Variants in RP1 observed in about 807,000 individuals in gnomAD.
The protein encoded by RP1 is RP1 axonemal microtubule associated.
A neutral mutation model predicts 14.8 loss-of-function variants in RP1; 16 were observed. The ratio of observed to expected loss-of-function variants is 1.08; its 90% CI spans 0.73 to 1.65. The LOEUF (loss-of-function observed/expected upper bound fraction) is 1.65, where lower values mean the gene tolerates loss of function less well. Among genes scored for constraint, RP1 ranks in the 40% most tolerant of loss-of-function variants. RP1 has a pLI of 0.00. For synonymous variants in RP1, 876 were observed against 883.6 expected (o/e 0.99, Z 0.15); for missense variants, 2,631 against 2,535.0 (o/e 1.04, Z -0.81).
chr8:54,658,158 A>C (rs1374274715), intron 6 of RP1, among the ~76,000 whole-genome samples: 1 of 152,242 alleles, frequency 6.6e-6, no homozygotes, highest in African/African-American at 2.4e-5. Context: ...TAGATACATC[A>C]TATGAGTGTA....
chr8:54,615,146 C>G (rs1805685419), upstream of RP1, among the ~76,000 whole-genome samples: 1 of 152,200 alleles, frequency 6.6e-6, no homozygotes, highest in Non-Finnish European at 1.5e-5. Flanking sequence ...ACTACTGTTT[C>G]TCTTATCTAC....
At chr8:54,573,821 A>G (rs1431703622) in intron 1 of RP1, among the ~76,000 whole-genome samples, 1 of 152,210 alleles carries the variant, frequency 6.6e-6, no homozygotes, top group African/African-American at 2.4e-5. Context: ...AACAACTCCA[A>G]TGTTTAAATG....
chr8:54,868,262 A>G (rs1318763316), intron 28 of RP1, among the ~76,000 whole-genome samples: 1 of 152,206 alleles, frequency 6.6e-6, no homozygotes, highest in Non-Finnish European at 1.5e-5. Flanking sequence ...GACTTACAGA[A>G]ACAAAATGAC....
intron 24 of RP1, among the ~76,000 whole-genome samples, chr8:54,787,514 G>T (rs1344635945): frequency 6.6e-6 from 1 of 151,994 alleles, no homozygotes; most frequent in Non-Finnish European, 1.5e-5. Flanking sequence ...AATCATAAAG[G>T]CATCCATGTA....
chr8:54,791,061 A>G (rs1810452199), intron 24 of RP1, among the ~76,000 whole-genome samples: 1 of 152,220 alleles, frequency 6.6e-6, no homozygotes, highest in African/African-American at 2.4e-5. Flanking sequence ...TTATAAATAA[A>G]TTGTCAAAAA....
intron 1 of RP1, among the ~76,000 whole-genome samples, chr8:54,582,640 G>C (rs1234076420): frequency 3.9e-5 from 6 of 152,130 alleles, no homozygotes; most frequent in Non-Finnish European, 5.9e-5. Context: ...CATGAGCATG[G>C]AATGTTCTTC....
chr8:54,611,110 T>C (rs769314558), upstream of RP1, among the ~76,000 whole-genome samples: 4 of 152,172 alleles, frequency 2.6e-5, no homozygotes, highest in African/African-American at 9.7e-5. Flanking sequence ...TGAATAATCA[T>C]ATAGAGGATC....
At chr8:54,580,127 T>C (rs1032937701) in intron 1 of RP1, among the ~76,000 whole-genome samples, 4 of 126,990 alleles carry the variant, frequency 3.1e-5, no homozygotes, top group Non-Finnish European at 4.9e-5. Flanking sequence ...CCCCAGGAAA[T>C]GCTCAGTTTC....
rs187521862 is a variant in RP1 at position 54,574,105 on chromosome 8, G to C, written c.-13+14785G>C. 2.0e-5 allele frequency among the ~76,000 whole-genome samples: 3 copies of C among 152,182 alleles called. No homozygotes were observed. In the East Asian group the frequency reaches 5.8e-4, roughly 29 times the overall value. ...TAATCTAAGCCAGGCCTATACCATG[G>C]AGTTAGAAGGAGGATTGGAAAAAGT... On this transcript the variant is annotated intron_variant, in intron 1 of 22. Transcript: ENST00000636932.
intron 1 of RP1, among the ~76,000 whole-genome samples, chr8:54,594,467 T>C (rs1424159051): frequency 6.6e-6 from 1 of 152,244 alleles, no homozygotes; most frequent in Non-Finnish European, 1.5e-5. Context: ...TAGAAGCACA[T>C]TATTTTCTGG....
intron 24 of RP1, among the ~76,000 whole-genome samples, chr8:54,827,722 AC>A (rs1294807256): frequency 1.3e-5 from 2 of 151,414 alleles, no homozygotes; most frequent in African/African-American, 4.9e-5. Flanking sequence ...ACACGGTGAA[AC>A]CCTGTCTCTA....
At chr8:54,679,375 TA>T in intron 9 of RP1, 1 of 1,479,640 alleles carries the variant, frequency 6.8e-7, no homozygotes, top group East Asian at 2.5e-5. Flanking sequence ...ATGGTTAATG[TA>T]AATATAAAGT....
intron 1 of RP1, among the ~76,000 whole-genome samples, chr8:54,578,030 G>A (rs546973626): frequency 1.3e-5 from 2 of 151,972 alleles, no homozygotes; most frequent in Admixed American, 1.3e-4. Context: ...CATGTGCCAT[G>A]CTGGTGTGCT....
chr8:54,748,627 C>T (rs1224383926), intron 19 of RP1, among the ~76,000 whole-genome samples: 2 of 152,108 alleles, frequency 1.3e-5, no homozygotes, highest in East Asian at 1.9e-4. Context: ...TAAAATGTTC[C>T]GTATGAACAC....
chr8:54,586,732 T>A (rs1265207482), intron 1 of RP1, among the ~76,000 whole-genome samples: 1 of 152,178 alleles, frequency 6.6e-6, no homozygotes, highest in African/African-American at 2.4e-5. Context: ...CACCTTGCAG[T>A]TTGATCTCAG....
At position 54,624,678 on chromosome 8, in the gene RP1, C is replaced by A. The variant is rs1215368660; in HGVS notation, c.796C>A (p.His266Asn). ...TCTTAAAATCTTTAAAGTAAGCACACATATGTCTTCAAGCTCAAGGTCCCA... is the reference window on the plus strand; with the variant it reads ...TCTTAAAATCTTTAAAGTAAGCACAAATATGTCTTCAAGCTCAAGGTCCCA... ...AKSESRKIST[H>N]MSSSSRSQIY... The change falls in exon 4 of 4, where the codon CAT (histidine) becomes AAT (asparagine). Residue 266 changes from histidine to asparagine, a missense_variant. His to Asn is a moderately conservative substitution (Grantham distance 68, BLOSUM62 1). Transcript: ENST00000220676. 1.2e-6 allele frequency: 2 copies of A among 1,613,668 alleles called. No homozygotes were observed. The highest frequency in any genetic ancestry group is 2.7e-5 in the African/African-American group (2 of 74,876).
At chr8:54,729,736 A>C (rs1460689494) in intron 17 of RP1, among the ~76,000 whole-genome samples, 2 of 151,990 alleles carry the variant, frequency 1.3e-5, no homozygotes, top group Non-Finnish European at 2.9e-5. Context: ...TTCATAATAA[A>C]TATTTTAAAT....
At chr8:54,665,783 A>T (rs1189088756) in intron 7 of RP1, among the ~76,000 whole-genome samples, 1 of 152,204 alleles carries the variant, frequency 6.6e-6, no homozygotes, top group Non-Finnish European at 1.5e-5. Flanking sequence ...GCAGACACTC[A>T]GTAGACTACT....
intron 25 of RP1, among the ~76,000 whole-genome samples, chr8:54,849,667 G>A (rs1812012946): frequency 6.6e-6 from 1 of 152,142 alleles, no homozygotes; most frequent in Admixed American, 6.5e-5. Flanking sequence ...AAATAAACCT[G>A]CAGGTGAAGA....
Sources: gnomAD v4.1 joint callset for allele counts (sites outside exome capture counted in the v4.1 genomes callset) on GRCh38, gnomAD v4.1.1 for gene constraint, MANE v1.5 for transcripts, NCBI Gene and HGNC (gene_info 2026-07-23, HGNC 2026-07-21) for gene names.